Variants in ATP8A2 observed in about 807,000 individuals in gnomAD.
The protein encoded by ATP8A2 is phospholipid-transporting ATPase IB.
ATP8A2 carries 100 observed loss-of-function variants against 165.6 expected under a neutral mutation model. That is an observed-to-expected ratio of 0.60 (90% CI 0.51 to 0.71). The LOEUF (loss-of-function observed/expected upper bound fraction) is 0.71, where lower values mean the gene tolerates loss of function less well. ATP8A2 is among the 30% of genes least tolerant of loss of function. ATP8A2 has a pLI of 0.00. For missense variants in ATP8A2, 1,227 were observed against 1,479.5 expected (o/e 0.83, Z 2.80); for synonymous variants, 543 against 548.8 (o/e 0.99, Z 0.15).
rs748812032 is a variant in ATP8A2 at position 25,699,287 on chromosome 13, G to A, written c.2326G>A (p.Glu776Lys). 6.2e-7 allele frequency: 1 copy of A among 1,613,706 alleles called. No homozygotes were observed. The highest frequency in any genetic ancestry group is 8.5e-7 in the Non-Finnish European group (1 of 1,179,826). The change falls in exon 25 of 37, where the codon GAA (glutamate) becomes AAA (lysine). Residue 776 changes from glutamate to lysine, a missense_variant. By Grantham distance (56) the Glu-to-Lys change is moderately conservative. Transcript: ENST00000381655. Reference sequence around the variant, plus strand: ...CACCCTGAAGTACGCGCTCTCCTTCGAAGTCCGGAGGAGTTTCCTGGATTT... The same window carrying A: ...CACCCTGAAGTACGCGCTCTCCTTCAAAGTCCGGAGGAGTTTCCTGGATTT... ...GHTLKYALSF[E>K]VRRSFLDLAL... is the part of the protein sequence containing the mutation.
intron 33 of ATP8A2, among the ~76,000 whole-genome samples, chr13:25,949,311 T>G (rs1366104621): frequency 6.6e-6 from 1 of 152,202 alleles, no homozygotes; most frequent in East Asian, 1.9e-4. Context: ...GGGCTCCTCA[T>G]TCAGATGGTG....
At chr13:25,947,349 G>A (rs1021960224) in intron 33 of ATP8A2, among the ~76,000 whole-genome samples, 1 of 152,108 alleles carries the variant, frequency 6.6e-6, no homozygotes, top group Non-Finnish European at 1.5e-5. Flanking sequence ...TTCTAAGTAG[G>A]AAAATAGAGG....
chr13:25,961,474 C>G, intron 33 of ATP8A2, 101 bp from the exon 34 acceptor site: 1 of 985,208 alleles, frequency 1.0e-6, no homozygotes, highest in Admixed American at 1.9e-5. Flanking sequence ...TTAGTGCGGT[C>G]TGTTGTTTTT....
At chr13:25,616,454 C>G (rs1347516164) in intron 24 of ATP8A2, among the ~76,000 whole-genome samples, 1 of 151,498 alleles carries the variant, frequency 6.6e-6, no homozygotes. Flanking sequence ...GCCTCAGCCT[C>G]CCAAGTAACT....
chr13:25,691,713 A>T (rs2137868253), intron 24 of ATP8A2, among the ~76,000 whole-genome samples: 1 of 152,346 alleles, frequency 6.6e-6, no homozygotes. Flanking sequence ...AATTTCTCTT[A>T]TCTACTTATG....
intron 13 of ATP8A2, 125 bp from the exon 14 acceptor site, chr13:25,558,848 T>A (rs1384431460): frequency 2.4e-5 from 14 of 573,450 alleles, no homozygotes; most frequent in Non-Finnish European, 4.2e-5. Flanking sequence ...GTTACTAATT[T>A]GCTTGCTTTA....
chr13:25,620,463 G>A (rs2040939585), intron 24 of ATP8A2, among the ~76,000 whole-genome samples: 3 of 152,114 alleles, frequency 2.0e-5, no homozygotes. Flanking sequence ...AATTTTAAAG[G>A]TTGCATGTTG....
At chr13:25,550,657 C>G (rs951135371) in intron 10 of ATP8A2, among the ~76,000 whole-genome samples, 1 of 152,144 alleles carries the variant, frequency 6.6e-6, no homozygotes, top group Non-Finnish European at 1.5e-5. Flanking sequence ...ATTCTCCTTC[C>G]GTTTCTCCTT....
intron 33 of ATP8A2, among the ~76,000 whole-genome samples, chr13:25,942,119 A>G (rs1190292247): frequency 2.0e-5 from 3 of 152,218 alleles, no homozygotes; most frequent in African/African-American, 7.2e-5. Flanking sequence ...TTTGAAGTTT[A>G]TCATAGTGAT....
At chr13:26,013,545 A>C (rs1394838035) in intron 36 of ATP8A2, among the ~76,000 whole-genome samples, 2 of 152,174 alleles carry the variant, frequency 1.3e-5, no homozygotes. Flanking sequence ...GTGACGGCAC[A>C]TGCCTGTAAT....
chr13:25,867,571 C>A (rs749497441), intron 33 of ATP8A2, among the ~76,000 whole-genome samples: 1 of 152,136 alleles, frequency 6.6e-6, no homozygotes, highest in African/African-American at 2.4e-5. Context: ...CACATCCATC[C>A]TCCTTCACCC....
chr13:25,713,794 C>T (rs1441249787), intron 25 of ATP8A2, among the ~76,000 whole-genome samples: 4 of 81,398 alleles, frequency 4.9e-5, no homozygotes, highest in African/African-American at 1.2e-4. Flanking sequence ...TCCTGGGGAG[C>T]TAGCAGCTCC....
chr13:25,978,209 A>T (rs1956101322), intron 35 of ATP8A2, among the ~76,000 whole-genome samples: 1 of 152,208 alleles, frequency 6.6e-6, no homozygotes, highest in Non-Finnish European at 1.5e-5. Flanking sequence ...GCCAAAAAAA[A>T]ATTGCCATTG....
chr13:25,860,947 C>A, intron 32 of ATP8A2, 87 bp downstream of exon 32: 2 of 866,558 alleles, frequency 2.3e-6, no homozygotes, highest in Non-Finnish European at 3.7e-6. Flanking sequence ...AAACCATAAG[C>A]AATATCTGGC....
At chr13:25,867,881 G>A (rs572690245) in intron 33 of ATP8A2, 11 of 228,856 alleles carry the variant, frequency 4.8e-5, no homozygotes, top group Non-Finnish European at 1.0e-4. Context: ...AGATAGACTA[G>A]GAAGACAAAA....
intron 2 of ATP8A2, among the ~76,000 whole-genome samples, chr13:25,499,953 G>A (rs1008788127): frequency 6.6e-6 from 1 of 152,148 alleles, no homozygotes; most frequent in African/African-American, 2.4e-5. Context: ...AGGCAGAGAA[G>A]ACAGCAAGGG....
intron 33 of ATP8A2, among the ~76,000 whole-genome samples, chr13:25,946,316 A>G (rs1350078043): frequency 6.6e-6 from 1 of 152,078 alleles, no homozygotes; most frequent in Admixed American, 6.5e-5. Flanking sequence ...ATACATCTCA[A>G]ATCTGAGATA....
chr13:25,815,026 C>T (rs1950974771), intron 27 of ATP8A2, among the ~76,000 whole-genome samples: 1 of 149,934 alleles, frequency 6.7e-6, no homozygotes, highest in South Asian at 2.1e-4. Flanking sequence ...AGAGTGAGAC[C>T]TTGTTTCAAA....
chr13:25,626,312 C>T (rs1328831437), intron 24 of ATP8A2, among the ~76,000 whole-genome samples: 2 of 152,142 alleles, frequency 1.3e-5, no homozygotes, highest in African/African-American at 4.8e-5. Context: ...GTGCTGACAT[C>T]TAATGAGGGC....
Sources: gnomAD v4.1 joint callset for allele counts (sites outside exome capture counted in the v4.1 genomes callset) on GRCh38, gnomAD v4.1.1 for gene constraint, MANE v1.5 for transcripts, NCBI Gene and HGNC (gene_info 2026-07-23, HGNC 2026-07-21) for gene names.